Variants in PPIP5K2 observed in about 807,000 individuals in gnomAD.
The protein encoded by PPIP5K2 is diphosphoinositol pentakisphosphate kinase 2, also known as inositol hexakisphosphate and diphosphoinositol-pentakisphosphate kinase 2.
A neutral mutation model predicts 154.6 loss-of-function variants in PPIP5K2; 105 were observed. That is an observed-to-expected ratio of 0.68 (90% CI 0.58 to 0.80). The LOEUF (loss-of-function observed/expected upper bound fraction) is 0.80. PPIP5K2 is among the 30% of genes least tolerant of loss of function. The pLI is 0.00. For missense variants in PPIP5K2, 992 were observed against 1,504.6 expected, an observed-to-expected ratio of 0.66 and a Z score of 5.64; for synonymous variants, 480 against 490.3, an observed-to-expected ratio of 0.98 and a Z score of 0.28.
intron 5 of PPIP5K2, among the ~76,000 whole-genome samples, chr5:103,142,296 C>T (rs1792884807): frequency 1.3e-5 from 2 of 150,738 alleles, no homozygotes; most frequent in African/African-American, 5.0e-5. Context: ...CCCTCATTGT[C>T]CAGGGCCAGG....
intron 17 of PPIP5K2, among the ~76,000 whole-genome samples, chr5:103,165,306 A>C (rs1796959383): frequency 6.6e-6 from 1 of 152,100 alleles, no homozygotes. Context: ...TCCCCCTCAC[A>C]GTAAAAAAAT....
At chr5:103,148,474 T>C (rs1554210045) in intron 7 of PPIP5K2, among the ~76,000 whole-genome samples, 1 of 152,126 alleles carries the variant, frequency 6.6e-6, no homozygotes, top group African/African-American at 2.4e-5. Context: ...TGGTGACAAA[T>C]AGGTCTTAAT....
intron 8 of PPIP5K2, among the ~76,000 whole-genome samples, chr5:103,149,654 A>C (rs1358939618): frequency 6.6e-6 from 1 of 152,178 alleles, no homozygotes; most frequent in Admixed American, 6.5e-5. Context: ...TGTTGAATGA[A>C]AACAGTTCTC....
chr5:103,140,823 C>A (rs1163265912), intron 5 of PPIP5K2, among the ~76,000 whole-genome samples: 1 of 127,166 alleles, frequency 7.9e-6, no homozygotes. Context: ...GGCGACAGAA[C>A]GAGACTCCGT....
Position 103,129,593 on chromosome 5 carries a change from A to C in PPIP5K2, c.4A>C (p.Ser2Arg). 2 of 1,578,262 alleles carry C rather than the reference A, an allele frequency of 1.3e-6. No individual in the cohort carries two copies. Among genetic ancestry groups the C allele is most frequent in the Non-Finnish European group, 1.7e-6 (2 of 1,169,900 alleles). The change falls in exon 2 of 31, where the codon AGT (serine) becomes CGT (arginine). Residue 2 changes from serine to arginine, a missense_variant. Transcript: ENST00000358359. MSEAPRFFVGPE... is the reference protein window; with the variant it reads MREAPRFFVGPE... Reference sequence around the variant, plus strand: ...ATCTACATCAAATAAAATAAAAATGAGTGAAGCCCCCAGATTCTTCGTTGG... The same window carrying C: ...ATCTACATCAAATAAAATAAAAATGCGTGAAGCCCCCAGATTCTTCGTTGG...
In PPIP5K2 at chr5:103,180,105, T is replaced by C; in HGVS notation, c.2839T>C (p.Leu947=). 1.2e-6 allele frequency: 2 copies of C among 1,605,638 alleles called. No individual in the cohort carries two copies. Among genetic ancestry groups the C allele is most frequent in the Non-Finnish European group, 1.7e-6 (2 of 1,176,696 alleles). The change falls in exon 24 of 31, where the codon TTG becomes CTG. Residue 947 remains leucine, a synonymous_variant. Coordinates refer to ENST00000358359, the MANE Select transcript of PPIP5K2 (RefSeq NM_001276277.3). The part of the protein sequence containing the change: ...KRDEVDRAVI[L]FKPMVSEPIH... Reference sequence around the variant, plus strand: ...AGATGAAGTTGATCGAGCTGTGATATTGTTTAAACCAATGGTATCAGAGCC... The same window carrying C: ...AGATGAAGTTGATCGAGCTGTGATACTGTTTAAACCAATGGTATCAGAGCC...
chr5:103,125,069 A>G (rs1789426887), intron 1 of PPIP5K2, among the ~76,000 whole-genome samples: 1 of 152,180 alleles, frequency 6.6e-6, no homozygotes, highest in South Asian at 2.1e-4. Flanking sequence ...CAACCACCAG[A>G]AGACAAAAAT....
chr5:103,130,876 G>C (rs1790496502), intron 2 of PPIP5K2, among the ~76,000 whole-genome samples: 1 of 152,140 alleles, frequency 6.6e-6, no homozygotes. Flanking sequence ...ACATGTAAAG[G>C]CTTTTATGTC....
At chr5:103,139,790 G>A (rs1260273214) in intron 5 of PPIP5K2, among the ~76,000 whole-genome samples, 1 of 152,204 alleles carries the variant, frequency 6.6e-6, no homozygotes, top group Non-Finnish European at 1.5e-5. Context: ...GTAACATGGA[G>A]AAGGAATCAG....
intron 28 of PPIP5K2, 48 bp from the exon 29 acceptor site, chr5:103,190,794 T>A (rs1554226640): frequency 6.6e-7 from 1 of 1,510,460 alleles, no homozygotes; most frequent in African/African-American, 1.4e-5. Context: ...TACTGATTTT[T>A]AAAATATCCA....
chr5:103,137,452 G>A (rs554110795), intron 4 of PPIP5K2, among the ~76,000 whole-genome samples: 3 of 152,140 alleles, frequency 2.0e-5, no homozygotes, highest in South Asian at 4.2e-4. Flanking sequence ...GTGAGCCACC[G>A]CACCCGGCCT....
intron 2 of PPIP5K2, among the ~76,000 whole-genome samples, chr5:103,130,298 C>A (rs781981271): frequency 1.1e-4 from 17 of 152,096 alleles, no homozygotes; most frequent in Non-Finnish European, 2.5e-4. Context: ...TTATTATGCT[C>A]ATTTTGCTAT....
At chr5:103,122,916 C>A (rs1275984439) in intron 1 of PPIP5K2, among the ~76,000 whole-genome samples, 1 of 152,022 alleles carries the variant, frequency 6.6e-6, no homozygotes, top group Admixed American at 6.6e-5. Context: ...CTGGCCGTGA[C>A]CAGTAAAGGT....
intron 30 of PPIP5K2, among the ~76,000 whole-genome samples, chr5:103,200,158 A>G (rs1458919751): frequency 1.3e-5 from 2 of 152,172 alleles, no homozygotes; most frequent in Non-Finnish European, 1.5e-5. Flanking sequence ...GTGGCTGGCA[A>G]AAATTTCAGT....
chr5:103,178,204 C>T (rs77459654), intron 23 of PPIP5K2, among the ~76,000 whole-genome samples: 1,838 of 151,952 alleles, frequency 0.012, 18 homozygotes, highest in Non-Finnish European at 0.019. Context: ...ATTTTAAGGC[C>T]GTGTTTAGAA....
At position 103,130,382 on chromosome 5, in the gene PPIP5K2, G is replaced by T. The variant is rs143875279; in HGVS notation, c.114+679G>T. Among the ~76,000 whole-genome samples, 3 of 152,142 alleles carry T rather than the reference G, an allele frequency of 2.0e-5. No individual in the cohort carries two copies. In the East Asian group the frequency reaches 5.8e-4, roughly 29 times the overall value. On this transcript the variant is annotated intron_variant, in intron 2 of 30. Transcript: ENST00000358359. ...TAGAGATTGCTTTACTGTGAATACT[G>T]ATTTAAAATACAGACCTACAGTATG...
chr5:103,145,061 G>A (rs1416118731), intron 5 of PPIP5K2, among the ~76,000 whole-genome samples: 6 of 151,050 alleles, frequency 4.0e-5, no homozygotes, highest in African/African-American at 1.5e-4. Flanking sequence ...CAGCTCTATA[G>A]GAAAAAAAAA....
chr5:103,201,615 A>AT lies in PPIP5K2; in HGVS notation c.3713_3714insT (p.Thr1239HisfsTer9). The AT allele has an allele frequency of 1.2e-6, 2 of 1,600,968 alleles. No homozygotes were observed. The highest frequency in any genetic ancestry group is 1.7e-6 in the Non-Finnish European group (2 of 1,172,034). On this transcript the variant is annotated frameshift_variant, in exon 31 of 31. Coordinates refer to ENST00000358359, the MANE Select transcript of PPIP5K2 (RefSeq NM_001276277.3). LOFTEE classifies it high-confidence loss of function. ...ACAGAAACGCATGAACACAAAAAAA[A>AT]CACTGGGAAAAAGAAATGAAATCTT...
At chr5:103,122,900 G>A (rs1789010733) in intron 1 of PPIP5K2, among the ~76,000 whole-genome samples, 1 of 152,142 alleles carries the variant, frequency 6.6e-6, no homozygotes. Context: ...TGAGGATCAG[G>A]TAGCTCTGGC....
Sources: allele counts gnomAD v4.1 joint callset (sites outside exome capture counted in the v4.1 genomes callset), GRCh38; gene constraint gnomAD v4.1.1; transcripts MANE v1.5; gene names NCBI Gene and HGNC (gene_info 2026-07-23, HGNC 2026-07-21).